CPNE8: variants seen among roughly 807,000 people sequenced by gnomAD.
The protein encoded by CPNE8 is copine 8, also known as copine-8.
CPNE8 carries 45 observed loss-of-function variants against 81.5 expected under a neutral mutation model. The observed-to-expected ratio is 0.55, with a 90% confidence interval of 0.44 to 0.71. CPNE8 has a LOEUF of 0.71. Ranked by LOEUF, CPNE8 falls within the 30% of genes least tolerant of loss-of-function variation. The pLI, the probability that CPNE8 is intolerant of heterozygous loss-of-function variation, is 0.00. For missense variants in CPNE8, 594 were observed against 672.1 expected, an observed-to-expected ratio of 0.88 and a Z score of 1.28; for synonymous variants, 252 against 226.3, an observed-to-expected ratio of 1.11 and a Z score of -1.02.
intron 3 of CPNE8, among the ~76,000 whole-genome samples, chr12:38,857,335 CAT>C (rs1322353101): frequency 1.3e-5 from 2 of 152,064 alleles, no homozygotes; most frequent in Non-Finnish European, 1.5e-5. Context: ...ATAAATAAAA[CAT>C]AGATCTGTCC....
chr12:38,673,279 A>G (rs1486503217), intron 18 of CPNE8, among the ~76,000 whole-genome samples: 1 of 152,140 alleles, frequency 6.6e-6, no homozygotes, highest in Non-Finnish European at 1.5e-5. Flanking sequence ...TTTCCTTTAT[A>G]AATTACCCAG....
intron 8 of CPNE8, among the ~76,000 whole-genome samples, chr12:38,765,947 C>T (rs1001086138): frequency 5.9e-5 from 9 of 151,954 alleles, no homozygotes; most frequent in African/African-American, 2.2e-4. Context: ...CAACCTCCGC[C>T]TCCCAGGTTC....
chr12:38,871,375 C>T (rs1489101990), intron 3 of CPNE8, among the ~76,000 whole-genome samples: 1 of 152,204 alleles, frequency 6.6e-6, no homozygotes, highest in Non-Finnish European at 1.5e-5. Context: ...ATTTTGTGGA[C>T]ACCCTGGTCA....
intron 3 of CPNE8, among the ~76,000 whole-genome samples, chr12:38,867,289 G>GT (rs1444232456): frequency 6.8e-6 from 1 of 148,116 alleles, no homozygotes; most frequent in Non-Finnish European, 1.5e-5. Context: ...AGTCCTTGAT[G>GT]TTTGTTGAAT....
At chr12:38,894,694 TCTCTCTCTCTCTC>T (rs1565666660) in intron 1 of CPNE8, among the ~76,000 whole-genome samples, 38 of 101,462 alleles carry the variant, frequency 3.7e-4, no homozygotes, top group African/African-American at 1.0e-3. Context: ...TCTCTCTCTC[TCTCTCTCTCTCTC>T]TCTCATATTC....
At chr12:38,654,120 T>A (rs1431851205) in intron 19 of CPNE8, 50 bp from the exon 20 acceptor site, 1 of 1,521,014 alleles carries the variant, frequency 6.6e-7, no homozygotes, top group East Asian at 2.4e-5. Context: ...GCAGGCTATG[T>A]AATAAACACA....
intron 6 of CPNE8, among the ~76,000 whole-genome samples, chr12:38,780,241 A>T (rs1942022517): frequency 6.6e-6 from 1 of 152,162 alleles, no homozygotes; most frequent in South Asian, 2.1e-4. Flanking sequence ...GATTAGACAA[A>T]GGTGAAGAGA....
chr12:38,810,788 C>G (rs1308648193), intron 6 of CPNE8, among the ~76,000 whole-genome samples: 4 of 152,140 alleles, frequency 2.6e-5, no homozygotes, highest in African/African-American at 9.7e-5. Context: ...TCTAGTGGAT[C>G]TGAGAGAGAC....
At position 38,654,067 on chromosome 12, in the gene CPNE8, C is replaced by G; in HGVS notation, c.1510G>C (p.Val504Leu). Reference sequence around the variant, plus strand: ...CTGTCAATATAATCCCTGAATGGCACAAACTAAAACAGAGACGAAAGAAAG... The same window carrying G: ...CTGTCAATATAATCCCTGAATGGCAGAAACTAAAACAGAGACGAAAGAAAG... ...KYAERDIVQF[V>L]PFRDYIDRSG... The change falls in exon 20 of 20, where the codon GTG becomes CTG. Residue 504 changes from valine to leucine, a missense_variant. Physicochemically the swap from Val to Leu is conservative, Grantham distance 32. Coordinates refer to ENST00000331366, the MANE Select transcript of CPNE8 (RefSeq NM_153634.3). 2 of 1,585,064 alleles carry G rather than the reference C, an allele frequency of 1.3e-6. No individual in the cohort carries two copies. Among genetic ancestry groups the G allele is most frequent in the South Asian group, 1.2e-5 (1 of 86,346 alleles).
chr12:38,878,415 C>T (rs1301500776), intron 1 of CPNE8, among the ~76,000 whole-genome samples: 3 of 152,136 alleles, frequency 2.0e-5, no homozygotes, highest in Non-Finnish European at 2.9e-5. Context: ...CTTTCCAAAA[C>T]CATCCAAGAT....
At chr12:38,795,722 GA>G (rs1942444467) in intron 6 of CPNE8, among the ~76,000 whole-genome samples, 1 of 152,088 alleles carries the variant, frequency 6.6e-6, no homozygotes, top group South Asian at 2.1e-4. Flanking sequence ...GAGGGAAGAG[GA>G]AAAGGAGTGT....
At chr12:38,730,967 G>C (rs1420384618) in intron 10 of CPNE8, among the ~76,000 whole-genome samples, 1 of 151,772 alleles carries the variant, frequency 6.6e-6, no homozygotes, top group Non-Finnish European at 1.5e-5. Flanking sequence ...GTTTAGGTGA[G>C]GAGGGGTAAG....
At chr12:38,732,964 C>T (rs1163983015) in intron 10 of CPNE8, among the ~76,000 whole-genome samples, 1 of 151,968 alleles carries the variant, frequency 6.6e-6, no homozygotes, top group Non-Finnish European at 1.5e-5. Flanking sequence ...TCACATATTG[C>T]ATTTCAGCCT....
intron 10 of CPNE8, among the ~76,000 whole-genome samples, chr12:38,750,885 G>A (rs1262746570): frequency 6.6e-6 from 1 of 152,120 alleles, no homozygotes. Context: ...GGGGCCAGGG[G>A]CAGAATGATA....
In CPNE8 at chr12:38,870,697, C is replaced by T. The variant is rs549044902; in HGVS notation, c.186+2307G>A. ...TAGGAGAAATACCTAATGTAGATGA[C>T]GGGTTGACAGGTGCAGCAAACCACT... is the stretch of plus-strand genomic sequence containing the variant. On this transcript the variant is annotated intron_variant, in intron 3 of 19. Transcript: ENST00000331366. Among the ~76,000 whole-genome samples, 6 of 152,002 alleles carry T rather than the reference C, an allele frequency of 3.9e-5. No individual in the cohort carries two copies. The South Asian group carries it at 8.3e-4, about 21-fold the overall frequency.
intron 15 of CPNE8, among the ~76,000 whole-genome samples, chr12:38,688,883 C>G (rs768533874): frequency 6.6e-6 from 1 of 152,048 alleles, no homozygotes; most frequent in Admixed American, 6.6e-5. Context: ...ATGGGTGCAT[C>G]AGAATCTCAG....
rs568405729 is a variant in CPNE8 at position 38,824,884 on chromosome 12, C to T, written c.407+4495G>A. 2.6e-5 allele frequency among the ~76,000 whole-genome samples: 4 copies of T among 152,222 alleles called. No individual in the cohort carries two copies. The South Asian group carries it at 8.3e-4, about 32-fold the overall frequency. On this transcript the variant is annotated intron_variant, in intron 6 of 19. Coordinates refer to ENST00000331366, the MANE Select transcript of CPNE8 (RefSeq NM_153634.3). ...ACATGATTGCAAAAAGTAATGGCTG[C>T]AGCACCAGGAGTGTGCAAATTCTAT...
At chr12:38,664,732 C>T (rs183363808) in intron 19 of CPNE8, among the ~76,000 whole-genome samples, 1 of 152,188 alleles carries the variant, frequency 6.6e-6, no homozygotes, top group Admixed American at 6.6e-5. Flanking sequence ...TTCTACTCTT[C>T]TTTAAAACAT....
intron 6 of CPNE8, among the ~76,000 whole-genome samples, chr12:38,787,497 A>G (rs936687875): frequency 3.3e-5 from 5 of 151,490 alleles, no homozygotes; most frequent in South Asian, 2.1e-4. Context: ...AAAAAAAAAA[A>G]AAAGAAAAAC....
Sources: gnomAD v4.1 joint callset for allele counts (sites outside exome capture counted in the v4.1 genomes callset) on GRCh38, gnomAD v4.1.1 for gene constraint, MANE v1.5 for transcripts, NCBI Gene and HGNC (gene_info 2026-07-23, HGNC 2026-07-21) for gene names.